FCRL1: variants seen among roughly 807,000 people sequenced by gnomAD.
The protein encoded by FCRL1 is Fc receptor like 1, also known as Fc receptor-like protein 1.
A neutral mutation model predicts 49.2 loss-of-function variants in FCRL1; 34 were observed. The ratio of observed to expected loss-of-function variants is 0.69; its 90% confidence interval spans 0.53 to 0.92. The LOEUF is 0.92. Ranked by LOEUF, FCRL1 falls within the 40% of genes least tolerant of loss-of-function variation. The probability of loss-of-function intolerance (pLI) is 0.00; values close to 1 mark genes in which losing one functional copy is unlikely to be tolerated. For missense variants in FCRL1, 524 were observed against 524.1 expected (o/e 1.00, Z 0.00); for synonymous variants, 218 against 201.6 (o/e 1.08, Z -0.69).
intron 9 of FCRL1, 177 bp downstream of exon 9, chr1:157,797,691 G>A: frequency 6.7e-7 from 1 of 1,486,190 alleles, no homozygotes; most frequent in Non-Finnish European, 9.2e-7. Flanking sequence ...CTTAGCATTA[G>A]CTCTGGGCTC....
intron 2 of FCRL1, among the ~76,000 whole-genome samples, chr1:157,806,492 CTT>C (rs1187284323): frequency 2.6e-5 from 4 of 152,136 alleles, no homozygotes; most frequent in Non-Finnish European, 5.9e-5. Flanking sequence ...AAAGGTAAGA[CTT>C]TGAATCAGGA....
rs767648375 is a variant in FCRL1 at position 157,796,119 on chromosome 1, C to A, written c.1270G>T (p.Asp424Tyr). ...RLRKANITDVDYEDAM is the reference protein window; with the variant it reads ...RLRKANITDVYYEDAM ...TAACCTTACATAGCATCTTCATAGT[C>A]CACATCTGTAATGTTTGCTTTCCTC... The change falls in exon 11 of 11, where the codon GAC becomes TAC. Residue 424 changes from aspartate (D) to tyrosine (Y), a missense_variant. Asp to Tyr is a radical substitution (Grantham distance 160). Coordinates refer to ENST00000368176, the MANE Select transcript of FCRL1 (RefSeq NM_052938.5). 7 of 1,613,980 alleles carry A rather than the reference C, an allele frequency of 4.3e-6. No homozygotes were observed. Among genetic ancestry groups the A allele is most frequent in the Non-Finnish European group, 5.9e-6 (7 of 1,179,898 alleles).
At position 157,801,511 on chromosome 1, in the gene FCRL1, C is replaced by T. The variant is rs1267108868; in HGVS notation, c.953G>A (p.Gly318Asp). The T allele has an allele frequency of 6.2e-7, 1 of 1,614,056 alleles. No individual in the cohort carries two copies. Among genetic ancestry groups the T allele is most frequent in the Non-Finnish European group, 8.5e-7 (1 of 1,179,986 alleles). The change falls in exon 6 of 11, where the codon GGT becomes GAT. Residue 318 changes from glycine (G) to aspartate (D), a missense_variant. Gly to Asp is a moderately conservative substitution (Grantham distance 94, BLOSUM62 -1). Transcript: ENST00000368176. Reference protein sequence around the residue: ...GVIEGLLSTLGPATVALLFCY... With the variant: ...GVIEGLLSTLDPATVALLFCY... ...AAATAATAAGGCCACGGTGGCTGGACCAAGGGTGCTGAGCAGCCCCTCAAT... is the reference window on the plus strand; with the variant it reads ...AAATAATAAGGCCACGGTGGCTGGATCAAGGGTGCTGAGCAGCCCCTCAAT...
At position 157,802,069 on chromosome 1, in the gene FCRL1, G is replaced by T. The variant is rs151236323; in HGVS notation, c.732C>A (p.His244Gln). 4.5e-5 allele frequency: 72 copies of T among 1,614,074 alleles called. No individual in the cohort carries two copies. The highest frequency in any genetic ancestry group is 5.2e-5 in the Non-Finnish European group (61 of 1,180,032). Residue 244 changes from histidine to glutamine, a missense_variant, in exon 5 of 11, where the codon CAC (histidine) becomes CAA (glutamine). By Grantham distance (24) the His-to-Gln change is conservative. Coordinates refer to ENST00000368176, the MANE Select transcript of FCRL1 (RefSeq NM_052938.5). ...GSPPILYWFYHEDITLGSRSA... is the reference protein window; with the variant it reads ...GSPPILYWFYQEDITLGSRSA... ...ACCTGCTCCCCAGGGTGATATCCTC[G>T]TGATAAAACCAGTACAGGATCGGAG...
chr1:157,814,418 T>A (rs1198932648), intron 1 of FCRL1, among the ~76,000 whole-genome samples: 1 of 152,000 alleles, frequency 6.6e-6, no homozygotes, highest in African/African-American at 2.4e-5. Context: ...TAAGATTTTT[T>A]ATATAAGCCT....
Position 157,798,239 on chromosome 1 carries a change from G to A in FCRL1, c.1036C>T (p.Leu346Phe), listed in dbSNP as rs767913096. 6.8e-6 allele frequency: 11 copies of A among 1,609,746 alleles called. No homozygotes were observed. Among genetic ancestry groups the A allele is most frequent in the Non-Finnish European group, 9.3e-6 (11 of 1,178,002 alleles). Reference protein sequence around the residue: ...RRSARDPLRSLPSPLPQEFTY... With the variant: ...RRSARDPLRSFPSPLPQEFTY... The stretch of plus-strand genomic sequence containing the variant: ...AACTCTTGGGGTAGAGGGCTGGGAA[G>A]GCTCCTGCAAACACAGAGACACATG... Residue 346 changes from leucine to phenylalanine, a missense_variant, in exon 8 of 11, where the codon CTT (leucine) becomes TTT (phenylalanine). Physicochemically the swap from Leu to Phe is conservative, Grantham distance 22. Transcript: ENST00000368176.
In FCRL1 at chr1:157,811,828, C is replaced by A. The variant is rs372843332; in HGVS notation, c.32-4706G>T. On this transcript the variant is annotated intron_variant, in intron 1 of 10. Coordinates refer to ENST00000368176, the MANE Select transcript of FCRL1 (RefSeq NM_052938.5). ...TTCCTAATCCATGGGAACAAGCTGT[C>A]TAGGAATCACTCCATTTTCTCCATC... Among the ~76,000 whole-genome samples, 4 of 152,290 alleles carry A rather than the reference C, an allele frequency of 2.6e-5. No homozygotes were observed. In the East Asian group the frequency reaches 7.7e-4, roughly 29 times the overall value.
chr1:157,818,615 A>G (rs575377208), intron 1 of FCRL1, among the ~76,000 whole-genome samples: 2 of 152,178 alleles, frequency 1.3e-5, no homozygotes, highest in Non-Finnish European at 2.9e-5. Flanking sequence ...GTAGATAATG[A>G]TTGCATGTGG....
rs1652780441 is a variant in FCRL1 at position 157,802,952 on chromosome 1, T to C, written c.320-288A>G. ...CTTTCATTTTTTCAAGAAACAATAG[T>C]ATAGTGAAGTGATTACAAGTCTAAA... is the stretch of plus-strand genomic sequence containing the variant. On this transcript the variant is annotated intron_variant, in intron 3 of 10. Coordinates refer to ENST00000368176, the MANE Select transcript of FCRL1 (RefSeq NM_052938.5). 2.6e-5 allele frequency among the ~76,000 whole-genome samples: 4 copies of C among 152,218 alleles called. No homozygotes were observed. The South Asian group carries it at 6.2e-4, about 24-fold the overall frequency.
In FCRL1 at chr1:157,795,434, C is replaced by T. The variant is rs1415318729; in HGVS notation, c.*665G>A. ...CAAAAATTTTGTGAATAAAAGAAGACACACTGTATTTATAAAGCTTCTAGG... is the reference window on the plus strand; with the variant it reads ...CAAAAATTTTGTGAATAAAAGAAGATACACTGTATTTATAAAGCTTCTAGG... On this transcript the variant is annotated 3_prime_UTR_variant, in exon 11 of 11. Transcript: ENST00000368176. 1 of 152,112 alleles carries T rather than the reference C, an allele frequency of 6.6e-6. No individual in the cohort carries two copies. Among genetic ancestry groups the T allele is most frequent in the East Asian group, 1.9e-4 (1 of 5,202 alleles). 9.4% of individuals were successfully genotyped at this position (152,112 alleles called of 1,614,324 possible).
chr1:157,797,061 A>G (rs1423035176), intron 10 of FCRL1, 40 bp downstream of exon 10: 2 of 1,606,228 alleles, frequency 1.2e-6, no homozygotes, highest in African/African-American at 2.7e-5. Flanking sequence ...TCCCCAGAGG[A>G]AAGAAAGAAC....
At chr1:157,796,266 C>A in intron 10 of FCRL1, 96 bp from the exon 11 acceptor site, 1 of 976,404 alleles carries the variant, frequency 1.0e-6, no homozygotes, top group Non-Finnish European at 1.6e-6. Flanking sequence ...CTTATCATGG[C>A]ACATCACGCA....
In FCRL1 at chr1:157,801,460, C is replaced by T. The variant is rs1652452796; in HGVS notation, c.1003+1G>A. ...AAATGCCACTCTCTTTAAATACTAA[C>T]CTATTTTTCTTTTGAGGCCGTAGCA... On this transcript the variant is annotated splice_donor_variant, in intron 6 of 10. Transcript: ENST00000368176. LOFTEE classifies it high-confidence loss of function. 1.3e-6 allele frequency: 2 copies of T among 1,582,692 alleles called. No individual in the cohort carries two copies. The highest frequency in any genetic ancestry group is 2.2e-5 in the South Asian group (2 of 90,156).
intron 2 of FCRL1, among the ~76,000 whole-genome samples, chr1:157,805,904 A>G (rs1653364401): frequency 6.6e-6 from 1 of 152,002 alleles, no homozygotes; most frequent in East Asian, 1.9e-4. Flanking sequence ...TCAAAAAAGA[A>G]AGGCATTTAG....
chr1:157,809,209 G>A (rs1475218195), intron 1 of FCRL1, among the ~76,000 whole-genome samples: 2 of 152,076 alleles, frequency 1.3e-5, no homozygotes, highest in South Asian at 2.1e-4. Flanking sequence ...GGGGAAGTGA[G>A]TATGGATGAA....
rs138398065 is a variant in FCRL1, at chr1:157,802,528, T to C, written c.456A>G (p.Val152=). Residue 152 remains valine (V), a synonymous_variant, in exon 4 of 11, where the codon GTA becomes GTG. Transcript: ENST00000368176. The part of the protein sequence containing the change: ...DITFLWYKGA[V]GLNLQSKTQR... ...GGGTCTTTGACTGAAGGTTTAAACC[T>C]ACAGCCCCTTTGTACCAAAGGAAGG... 5.1e-4 allele frequency: 817 copies of C among 1,614,062 alleles called. 1 individual carries two copies. The highest frequency in any genetic ancestry group is 6.5e-4 in the Non-Finnish European group (767 of 1,180,040).
intron 3 of FCRL1, among the ~76,000 whole-genome samples, chr1:157,803,448 C>T (rs1489565688): frequency 6.6e-6 from 1 of 152,224 alleles, no homozygotes; most frequent in African/African-American, 2.4e-5. Flanking sequence ...TTCAGCAAAG[C>T]CTTCTCTGAA....
Position 157,795,848 on chromosome 1 carries a change from T to C in FCRL1, c.*251A>G, listed in dbSNP as rs764886036. On this transcript the variant is annotated 3_prime_UTR_variant, in exon 11 of 11. Transcript: ENST00000368176. ...ACAGAAGAGCACAATATGACCTGTT[T>C]TCAAAGGAGCCGGCAGGAATCTGGT... 2.1e-5 allele frequency: 9 copies of C among 425,404 alleles called. No homozygotes were observed. The highest frequency in any genetic ancestry group is 2.1e-5 in the Non-Finnish European group (5 of 233,416). The allele number at this position is 425,404 out of a possible 1,614,324, so 26.4% of individuals were successfully genotyped here.
In FCRL1 at chr1:157,804,253, C is replaced by CCCG. The variant is rs1012398083; in HGVS notation, c.53-143_53-142insCGG. The CCCG allele has an allele frequency of 4.2e-6, 4 of 942,124 alleles. No homozygotes were observed. The African/African-American group carries it at 6.8e-5, about 16-fold the overall frequency. The allele number at this position is 942,124 out of a possible 1,614,324, so 58.4% of individuals were successfully genotyped here. On this transcript the variant is annotated intron_variant, in intron 2 of 10. Transcript: ENST00000368176. ...GCCACCCTACATGTCTCCACCCCCC[C>CCCG]CCCAGTGGCCCATGGGCTTTCCTTT...
Sources: gnomAD v4.1 joint callset for allele counts (sites outside exome capture counted in the v4.1 genomes callset) on GRCh38, gnomAD v4.1.1 for gene constraint, MANE v1.5 for transcripts, NCBI Gene and HGNC (gene_info 2026-07-23, HGNC 2026-07-21) for gene names.